Variants in PAAF1 observed in about 807,000 individuals in gnomAD.
PAAF1 encodes proteasomal ATPase-associated factor 1.
Under a neutral mutation model 52.8 loss-of-function variants are expected in PAAF1, and 46 were observed. That is an observed-to-expected ratio of 0.87 (90% CI 0.69 to 1.11). The LOEUF (loss-of-function observed/expected upper bound fraction) is 1.11. Ranked by LOEUF, PAAF1 falls within the 50% of genes most tolerant of loss-of-function variation. PAAF1 has a pLI of 0.00. For missense variants in PAAF1, 424 were observed against 477.4 expected, an observed-to-expected ratio of 0.89 and a Z score of 1.04; for synonymous variants, 178 against 172.8, an observed-to-expected ratio of 1.03 and a Z score of -0.24.
intron 7 of PAAF1, among the ~76,000 whole-genome samples, chr11:73,910,989 C>CAA (rs59523527): frequency 6.2e-4 from 43 of 69,350 alleles, no homozygotes; most frequent in Non-Finnish European, 7.8e-4. Flanking sequence ...GACTCTGTCT[C>CAA]AAAAAAAAAA....
intron 9 of PAAF1, among the ~76,000 whole-genome samples, chr11:73,917,059 C>T (rs1464347241): frequency 2.6e-5 from 4 of 152,094 alleles, no homozygotes; most frequent in Non-Finnish European, 5.9e-5. Context: ...CTCCCTCTGT[C>T]GCCCAGGCTG....
intron 9 of PAAF1, among the ~76,000 whole-genome samples, chr11:73,918,398 A>G (rs183606722): frequency 1.3e-3 from 142 of 107,778 alleles, no homozygotes; most frequent in African/African-American, 4.8e-3. Context: ...CCACAGAGAT[A>G]GGGAATCTCT....
intron 4 of PAAF1, among the ~76,000 whole-genome samples, chr11:73,894,520 T>C (rs1949291328): frequency 6.6e-6 from 1 of 152,028 alleles, no homozygotes. Flanking sequence ...TTAGGAGATG[T>C]ACCTAATGTT....
intron 9 of PAAF1, among the ~76,000 whole-genome samples, chr11:73,917,709 T>C (rs1950103673): frequency 6.6e-6 from 1 of 152,038 alleles, no homozygotes; most frequent in African/African-American, 2.4e-5. Context: ...CTGTCTCTAC[T>C]AAAAATACAA....
chr11:73,911,762 T>G (rs1949936775), intron 7 of PAAF1, among the ~76,000 whole-genome samples: 1 of 151,690 alleles, frequency 6.6e-6, no homozygotes, highest in African/African-American at 2.4e-5. Flanking sequence ...GCCTCCCGAG[T>G]AGCTGGGATT....
chr11:73,894,018 G>A (rs11235941), intron 4 of PAAF1, among the ~76,000 whole-genome samples: 11,553 of 152,172 alleles, frequency 0.076, 552 homozygotes, highest in East Asian at 0.18. Context: ...GCCCAGGCTG[G>A]TCTCAAACTC....
intron 6 of PAAF1, among the ~76,000 whole-genome samples, chr11:73,904,718 A>C (rs1284193380): frequency 1.3e-5 from 2 of 152,092 alleles, no homozygotes; most frequent in African/African-American, 4.8e-5. Flanking sequence ...ACATTAAAAC[A>C]GCTTAATATG....
chr11:73,888,286 A>G (rs1313357567), intron 3 of PAAF1, among the ~76,000 whole-genome samples: 1 of 152,194 alleles, frequency 6.6e-6, no homozygotes, highest in Non-Finnish European at 1.5e-5. Context: ...ATAGATGCCC[A>G]TATCCAAGTA....
intron 8 of PAAF1, among the ~76,000 whole-genome samples, chr11:73,915,427 C>G (rs890619326): frequency 6.6e-6 from 1 of 152,028 alleles, no homozygotes; most frequent in African/African-American, 2.4e-5. Flanking sequence ...GGCAAAAAAA[C>G]CCATCTCTAT....
rs1591077835 is a variant in PAAF1, at chr11:73,899,422, T to C, written c.381+178T>C. On this transcript the variant is annotated intron_variant, in intron 5 of 11. Coordinates refer to ENST00000310571, the MANE Select transcript of PAAF1 (RefSeq NM_025155.3). ...TTTCTTTTTCTCTTTTTTTTTTTTT[T>C]TTTTTTTTTGAGACAGTCTTGCTGT... is the stretch of plus-strand genomic sequence containing the variant. Among the ~76,000 whole-genome samples, 3 of 146,604 alleles carry C rather than the reference T, an allele frequency of 2.0e-5. No individual in the cohort carries two copies. The South Asian group carries it at 6.7e-4, about 33-fold the overall frequency.
At chr11:73,921,521 A>C (rs1236067859) in intron 10 of PAAF1, 1 of 520,904 alleles carries the variant, frequency 1.9e-6, no homozygotes, top group Non-Finnish European at 3.8e-6. Flanking sequence ...CAAATTCTTG[A>C]TCAAGAGTTT....
At chr11:73,891,052 T>G (rs1949186178) in intron 3 of PAAF1, 60 bp from the exon 4 acceptor site, 1 of 1,008,314 alleles carries the variant, frequency 9.9e-7, no homozygotes, top group Admixed American at 2.0e-5. Flanking sequence ...TTAAGAGGCT[T>G]TAATTATAAT....
At chr11:73,883,393 C>T (rs1357427249) in intron 2 of PAAF1, among the ~76,000 whole-genome samples, 1 of 152,210 alleles carries the variant, frequency 6.6e-6, no homozygotes, top group African/African-American at 2.4e-5. Context: ...TTCCACCCCC[C>T]AATCCTAGCA....
intron 4 of PAAF1, among the ~76,000 whole-genome samples, chr11:73,893,509 G>T (rs1949253617): frequency 6.6e-6 from 1 of 152,078 alleles, no homozygotes; most frequent in Admixed American, 6.6e-5. Flanking sequence ...GGCCGAGGCA[G>T]GTGAATCACC....
At chr11:73,925,372 G>A (rs1950326971) in intron 11 of PAAF1, among the ~76,000 whole-genome samples, 1 of 151,266 alleles carries the variant, frequency 6.6e-6, no homozygotes, top group African/African-American at 2.4e-5. Context: ...AGGCCAAGAT[G>A]GGACGATTGC....
At chr11:73,926,111 C>CT (rs76906369) in intron 11 of PAAF1, among the ~76,000 whole-genome samples, 83 of 151,006 alleles carry the variant, frequency 5.5e-4, no homozygotes, top group East Asian at 2.3e-3. Flanking sequence ...TTCTTTCTTT[C>CT]TTTCTTTTTT....
Position 73,929,236 on chromosome 11 carries a change from C to CA in PAAF1, c.*1875dup, listed in dbSNP as rs1950423687. Reference sequence around the variant, plus strand: ...TAATTTTTTAAATTTTTTGTAGAGACAGAGTCTCACCATGTTGCCCAGGCT... The same window carrying CA: ...TAATTTTTTAAATTTTTTGTAGAGACAAGAGTCTCACCATGTTGCCCAGGCT... On this transcript the variant is annotated 3_prime_UTR_variant, in exon 12 of 12. Transcript: ENST00000310571. 1 of 150,424 alleles carries CA rather than the reference C, an allele frequency of 6.6e-6. No individual in the cohort carries two copies. Among genetic ancestry groups the CA allele is most frequent in the South Asian group, 2.1e-4 (1 of 4,732 alleles). 9.3% of individuals were successfully genotyped at this position (150,424 alleles called of 1,614,324 possible).
chr11:73,918,934 T>G lies in PAAF1; in HGVS notation c.936-16T>G. ...TGAAGAAAGAAAGTAAAATTTCCCCTTTCTCTGAATCCTAGGGCTCCGGTA... is the reference window on the plus strand; with the variant it reads ...TGAAGAAAGAAAGTAAAATTTCCCCGTTCTCTGAATCCTAGGGCTCCGGTA... On this transcript the variant is annotated splice_polypyrimidine_tract_variant and intron_variant, in intron 9 of 11. Coordinates refer to ENST00000310571, the MANE Select transcript of PAAF1 (RefSeq NM_025155.3). 1 of 1,609,384 alleles carries G rather than the reference T, an allele frequency of 6.2e-7. No individual in the cohort carries two copies. Among genetic ancestry groups the G allele is most frequent in the South Asian group, 1.1e-5 (1 of 90,696 alleles).
intron 7 of PAAF1, among the ~76,000 whole-genome samples, chr11:73,910,429 G>A (rs968069438): frequency 1.3e-5 from 2 of 152,126 alleles, no homozygotes; most frequent in Admixed American, 6.6e-5. Context: ...TAGCTTGGAC[G>A]TGAAACTAAG....
Sources: gnomAD v4.1 joint callset for allele counts (sites outside exome capture counted in the v4.1 genomes callset) on GRCh38, gnomAD v4.1.1 for gene constraint, MANE v1.5 for transcripts, NCBI Gene and HGNC (gene_info 2026-07-23, HGNC 2026-07-21) for gene names.